Variants in MTUS2 observed in about 807,000 individuals in gnomAD.
MTUS2 encodes microtubule associated scaffold protein 2.
Under a neutral mutation model 114.1 loss-of-function variants are expected in MTUS2, and 40 were observed. The ratio of observed to expected loss-of-function variants is 0.35; its 90% CI spans 0.27 to 0.46. The LOEUF is 0.46. MTUS2 is among the 20% of genes least tolerant of loss of function. MTUS2 has a pLI of 1.00. For missense variants in MTUS2, 1,679 were observed against 1,705.4 expected, an observed-to-expected ratio of 0.98 and a Z score of 0.27; for synonymous variants, 688 against 672.0, an observed-to-expected ratio of 1.02 and a Z score of -0.37.
intron 4 of MTUS2, among the ~76,000 whole-genome samples, chr13:29,043,505 C>T (rs540039945): frequency 1.3e-5 from 2 of 152,098 alleles, no homozygotes. Context: ...TCTTCATGAC[C>T]TGTCTAGTGC....
intron 2 of MTUS2, among the ~76,000 whole-genome samples, chr13:28,891,151 G>A (rs1234364216): frequency 6.6e-6 from 1 of 152,214 alleles, no homozygotes; most frequent in African/African-American, 2.4e-5. Flanking sequence ...TGTGGGATAC[G>A]TTTTGCTTGT....
chr13:29,183,742 A>G (rs1894103869), intron 5 of MTUS2, among the ~76,000 whole-genome samples: 1 of 152,238 alleles, frequency 6.6e-6, no homozygotes, highest in Non-Finnish European at 1.5e-5. Flanking sequence ...AAGCTAAATG[A>G]AAACAAATTA....
At chr13:28,863,706 A>G (rs765229717) in intron 2 of MTUS2, among the ~76,000 whole-genome samples, 4 of 152,164 alleles carry the variant, frequency 2.6e-5, no homozygotes, top group Non-Finnish European at 5.9e-5. Flanking sequence ...TGTATTTAAA[A>G]ATGTTTTTAG....
chr13:29,056,347 C>T (rs1028895085), intron 4 of MTUS2, among the ~76,000 whole-genome samples: 1 of 151,962 alleles, frequency 6.6e-6, no homozygotes, highest in African/African-American at 2.4e-5. Flanking sequence ...GACTCTTTCC[C>T]CTGTTGCTTG....
chr13:29,081,547 T>C (rs1465548807), intron 4 of MTUS2, among the ~76,000 whole-genome samples: 3 of 151,730 alleles, frequency 2.0e-5, no homozygotes, highest in Admixed American at 6.6e-5. Context: ...GTACTATCAG[T>C]GTCTGGAACT....
intron 1 of MTUS2, among the ~76,000 whole-genome samples, chr13:28,830,865 T>C (rs1226089058): frequency 2.6e-5 from 4 of 152,182 alleles, no homozygotes; most frequent in African/African-American, 7.2e-5. Flanking sequence ...AGTGGAATGA[T>C]GTATTGAAAA....
chr13:29,335,099 T>C (rs1233903147), intron 7 of MTUS2, among the ~76,000 whole-genome samples: 1 of 152,244 alleles, frequency 6.6e-6, no homozygotes, highest in African/African-American at 2.4e-5. Context: ...AACAGAGCCA[T>C]ATTTCTCTTC....
At chr13:28,980,251 A>C (rs1884300181) in intron 2 of MTUS2, among the ~76,000 whole-genome samples, 1 of 152,138 alleles carries the variant, frequency 6.6e-6, no homozygotes, top group South Asian at 2.1e-4. Context: ...GTTTCCCCCT[A>C]GTTTTTCTTT....
chr13:28,972,202 G>A (rs1883888992), intron 2 of MTUS2, among the ~76,000 whole-genome samples: 1 of 152,150 alleles, frequency 6.6e-6, no homozygotes, highest in Non-Finnish European at 1.5e-5. Context: ...AGGTGAGGAG[G>A]GTGGCAGGGT....
At position 29,359,209 on chromosome 13, in the gene MTUS2, G is replaced by A. The variant is rs926482388; in HGVS notation, c.2906-53G>A. ...GTGTAATAAGAAGCCGTTGTCACAT[G>A]TGTACTGAGTGTTTTTTCACAGGTG... On this transcript the variant is annotated intron_variant, in intron 7 of 15. Coordinates refer to ENST00000612955, the MANE Select transcript of MTUS2 (RefSeq NM_001033602.4). The A allele has an allele frequency of 5.3e-6, 8 of 1,501,944 alleles. 1 individual carries two copies. The Admixed American group carries it at 1.6e-4, about 30-fold the overall frequency. The allele number at this position is 1,501,944 out of a possible 1,614,324, so 93.0% of individuals were successfully genotyped here. A position where few individuals can be genotyped will look rare whatever the true frequency, so the allele number is the denominator to read the frequency against.
intron 1 of MTUS2, among the ~76,000 whole-genome samples, chr13:28,831,578 T>A (rs563761020): frequency 6.3e-4 from 96 of 152,278 alleles, no homozygotes; most frequent in Non-Finnish European, 1.2e-3. Context: ...GTTAAAGGGA[T>A]CAATTTCTCA....
At chr13:29,064,152 A>C (rs879290474) in intron 4 of MTUS2, among the ~76,000 whole-genome samples, 2 of 152,232 alleles carry the variant, frequency 1.3e-5, no homozygotes, top group Admixed American at 6.5e-5. Flanking sequence ...CGAGGGCTTC[A>C]TAGAGTGGTA....
intron 4 of MTUS2, among the ~76,000 whole-genome samples, chr13:29,092,095 C>T (rs75452230): frequency 0.025 from 3,775 of 152,240 alleles, 168 homozygotes; most frequent in African/African-American, 0.086. Context: ...CAGTCAAATG[C>T]CTAGGCAGAT....
intron 5 of MTUS2, among the ~76,000 whole-genome samples, chr13:29,256,698 A>G (rs1324900356): frequency 2.0e-5 from 3 of 152,376 alleles, no homozygotes; most frequent in Admixed American, 6.5e-5. Context: ...AACAAACAGC[A>G]TCTCTAACAA....
chr13:28,861,503 C>T (rs963776532), intron 2 of MTUS2, among the ~76,000 whole-genome samples: 3 of 147,182 alleles, frequency 2.0e-5, no homozygotes, highest in Non-Finnish European at 3.0e-5. Flanking sequence ...GAAGATTAAA[C>T]GAGATGATTT....
chr13:29,389,404 T>A, intron 8 of MTUS2, among the ~76,000 whole-genome samples: 1 of 107,684 alleles, frequency 9.3e-6, no homozygotes, highest in East Asian at 2.8e-4. Flanking sequence ...TGTATATATG[T>A]ATACACGTGT....
chr13:29,137,574 CTTCTTCT>C (rs1290067439), intron 5 of MTUS2, among the ~76,000 whole-genome samples: 3 of 151,572 alleles, frequency 2.0e-5, no homozygotes, highest in Non-Finnish European at 2.9e-5. Context: ...TTTGTTCTTT[CTTCTTCT>C]TTCTTCTTTC....
chr13:29,163,293 G>T (rs1365607400), intron 5 of MTUS2, among the ~76,000 whole-genome samples: 2 of 152,172 alleles, frequency 1.3e-5, no homozygotes, highest in African/African-American at 4.8e-5. Flanking sequence ...GTGGGTCCTG[G>T]TCCTTGTGGC....
intron 8 of MTUS2, among the ~76,000 whole-genome samples, chr13:29,419,432 C>T (rs1875918487): frequency 6.6e-6 from 1 of 152,140 alleles, no homozygotes; most frequent in South Asian, 2.1e-4. Context: ...AGGCCATTTC[C>T]TCTGGGGTTA....
Sources: gnomAD v4.1 joint callset for allele counts (sites outside exome capture counted in the v4.1 genomes callset) on GRCh38, gnomAD v4.1.1 for gene constraint, MANE v1.5 for transcripts, NCBI Gene and HGNC (gene_info 2026-07-23, HGNC 2026-07-21) for gene names.